Variants in ROBO1 observed in about 807,000 individuals in gnomAD.
ROBO1 encodes the protein roundabout homolog 1.
A neutral mutation model predicts 195.9 loss-of-function variants in ROBO1; 149 were observed. The ratio of observed to expected loss-of-function variants is 0.76; its 90% CI spans 0.67 to 0.87. The LOEUF (loss-of-function observed/expected upper bound fraction) is 0.87. Ranked by LOEUF, ROBO1 falls within the 40% of genes least tolerant of loss-of-function variation. The pLI, the probability that ROBO1 is intolerant of heterozygous loss-of-function variation, is 0.00. For synonymous variants in ROBO1, 816 were observed against 733.2 expected, an observed-to-expected ratio of 1.11 and a Z score of -1.82; for missense variants, 1,933 against 2,068.3, an observed-to-expected ratio of 0.93 and a Z score of 1.27.
chr3:79,510,845 C>G (rs1575943465), intron 2 of ROBO1, among the ~76,000 whole-genome samples: 2 of 152,166 alleles, frequency 1.3e-5, no homozygotes, highest in Non-Finnish European at 2.9e-5. Context: ...CCAACACTTC[C>G]TAGAAAATAA....
intron 1 of ROBO1, among the ~76,000 whole-genome samples, chr3:79,622,895 C>T (rs1945052943): frequency 6.6e-6 from 1 of 152,176 alleles, no homozygotes; most frequent in African/African-American, 2.4e-5. Context: ...CAGACACATC[C>T]TATACAGGAG....
chr3:78,866,780 T>C (rs1254516082), intron 4 of ROBO1, among the ~76,000 whole-genome samples: 1 of 152,208 alleles, frequency 6.6e-6, no homozygotes, highest in Non-Finnish European at 1.5e-5. Context: ...TAAGGCTCTG[T>C]CTATATTGCA....
intron 3 of ROBO1, among the ~76,000 whole-genome samples, chr3:78,954,950 C>CT (rs34852420): frequency 0.8 from 111,738 of 139,618 alleles, 45,246 homozygotes; most frequent in South Asian, 0.93. Flanking sequence ...TGTTTAAAAA[C>CT]TTTTTTTTTT....
chr3:78,602,008 G>A lies in ROBO1; in HGVS notation c.4745-1699C>T, dbSNP rs184628222. Among the ~76,000 whole-genome samples, 200 of 148,822 alleles carry A rather than the reference G, an allele frequency of 1.3e-3. 1 individual carries two copies. Among genetic ancestry groups the A allele is most frequent in the Middle Eastern group, 0.011 (3 of 280 alleles). On this transcript the variant is annotated intron_variant, in intron 29 of 30. Coordinates refer to ENST00000464233, the MANE Select transcript of ROBO1 (RefSeq NM_002941.4). ...ATATGTATAATATAATTATATATAC[G>A]TTATACATATATGTATGTATATCAT...
intron 1 of ROBO1, among the ~76,000 whole-genome samples, chr3:79,669,817 A>G (rs756541956): frequency 1.1e-4 from 16 of 151,942 alleles, no homozygotes; most frequent in Non-Finnish European, 2.2e-4. Context: ...ATTGGAATGA[A>G]AGACATTTCC....
chr3:79,584,196 TATATC>T (rs1943745179), intron 2 of ROBO1, among the ~76,000 whole-genome samples: 1 of 150,818 alleles, frequency 6.6e-6, no homozygotes, highest in African/African-American at 2.4e-5. Flanking sequence ...TATGTGTACA[TATATC>T]ATATATGCAT....
chr3:79,587,965 T>A (rs1296310347), intron 2 of ROBO1, among the ~76,000 whole-genome samples: 2 of 151,728 alleles, frequency 1.3e-5, no homozygotes, highest in Non-Finnish European at 3.0e-5. Context: ...TTTCTTGAAC[T>A]CTGTAGTCCT....
chr3:79,591,043 ACT>A (rs1198776477), intron 1 of ROBO1, among the ~76,000 whole-genome samples: 1 of 151,750 alleles, frequency 6.6e-6, no homozygotes, highest in African/African-American at 2.4e-5. Context: ...TTAGAAGATA[ACT>A]CTGGTAGGAA....
At chr3:79,494,544 T>G (rs1213984744) in intron 2 of ROBO1, among the ~76,000 whole-genome samples, 1 of 151,542 alleles carries the variant, frequency 6.6e-6, no homozygotes, top group Non-Finnish European at 1.5e-5. Flanking sequence ...GAGAAACAAA[T>G]GAAGATGAAA....
intron 4 of ROBO1, among the ~76,000 whole-genome samples, chr3:78,912,824 A>C (rs548072051): frequency 1.3e-5 from 2 of 152,132 alleles, no homozygotes; most frequent in Non-Finnish European, 2.9e-5. Flanking sequence ...AGTAAACATC[A>C]GATGTTTAAC....
At chr3:78,882,932 C>A (rs1024960956) in intron 4 of ROBO1, among the ~76,000 whole-genome samples, 1 of 151,720 alleles carries the variant, frequency 6.6e-6, no homozygotes, top group Non-Finnish European at 1.5e-5. Flanking sequence ...CCTGCCTCAG[C>A]CTCCCAAGTA....
intron 4 of ROBO1, among the ~76,000 whole-genome samples, chr3:78,834,253 G>T (rs544452356): frequency 1.1e-4 from 17 of 151,882 alleles, no homozygotes; most frequent in Admixed American, 5.3e-4. Flanking sequence ...TCCTAATAAA[G>T]AGGAGAGAAA....
chr3:79,581,543 GAC>G (rs1288901756), intron 2 of ROBO1, among the ~76,000 whole-genome samples: 1 of 152,062 alleles, frequency 6.6e-6, no homozygotes, highest in Non-Finnish European at 1.5e-5. Context: ...CTAATAAAGA[GAC>G]ACAGTACCGA....
chr3:79,323,225 G>C (rs1163128878), intron 2 of ROBO1, among the ~76,000 whole-genome samples: 1 of 152,008 alleles, frequency 6.6e-6, no homozygotes, highest in Admixed American at 6.6e-5. Context: ...GGGACTACAG[G>C]CACATGCCAC....
At chr3:79,286,274 A>G (rs2031877099) in intron 2 of ROBO1, among the ~76,000 whole-genome samples, 1 of 152,200 alleles carries the variant, frequency 6.6e-6, no homozygotes, top group Admixed American at 6.5e-5. Context: ...CAACTTTCCC[A>G]TAAAATCCTT....
chr3:78,764,781 G>C (rs1209546240), intron 4 of ROBO1, among the ~76,000 whole-genome samples: 1 of 152,084 alleles, frequency 6.6e-6, no homozygotes, highest in Non-Finnish European at 1.5e-5. Context: ...CATGAATTTA[G>C]GTTGAAGACA....
intron 1 of ROBO1, among the ~76,000 whole-genome samples, chr3:79,608,149 C>T (rs780720753): frequency 6.6e-6 from 1 of 151,836 alleles, no homozygotes; most frequent in Non-Finnish European, 1.5e-5. Flanking sequence ...CTTACAAGTT[C>T]GTCGTATGGA....
At chr3:79,615,698 A>G (rs748701881) in intron 1 of ROBO1, among the ~76,000 whole-genome samples, 3 of 152,234 alleles carry the variant, frequency 2.0e-5, no homozygotes, top group Non-Finnish European at 4.4e-5. Flanking sequence ...CATGTAGAAC[A>G]AACAAATAGA....
intron 1 of ROBO1, among the ~76,000 whole-genome samples, chr3:79,640,123 G>T (rs559649374): frequency 1.3e-5 from 2 of 152,040 alleles, no homozygotes; most frequent in Admixed American, 1.3e-4. Context: ...TTCCCCTTTT[G>T]CCATTCTCTG....
Sources: gnomAD v4.1 joint callset for allele counts (sites outside exome capture counted in the v4.1 genomes callset) on GRCh38, gnomAD v4.1.1 for gene constraint, MANE v1.5 for transcripts, NCBI Gene and HGNC (gene_info 2026-07-23, HGNC 2026-07-21) for gene names.